Variants in DCAF8L2 observed in about 807,000 individuals in gnomAD.
DCAF8L2 encodes the protein DDB1- and CUL4-associated factor 8-like protein 2.
For synonymous variants in DCAF8L2, 200 were observed against 190.9 expected (o/e 1.05, Z -0.39); for missense variants, 430 against 490.7 (o/e 0.88, Z 1.17).
chrX:27,589,176 C>T (rs759210457), upstream of DCAF8L2, among the ~76,000 whole-genome samples: 29 of 111,393 alleles, frequency 2.6e-4, no homozygotes, highest in African/African-American at 9.4e-4. Flanking sequence ...CTTAACTATG[C>T]CTTGAATATA....
chrX:27,710,992 G>A (rs772685319), intron 3 of DCAF8L2, among the ~76,000 whole-genome samples: 4 of 111,062 alleles, frequency 3.6e-5, no homozygotes, highest in Non-Finnish European at 7.6e-5. Flanking sequence ...TCTGCATCTC[G>A]TAAAATGACA....
chrX:27,614,002 G>GT (rs1407542089), intron 1 of DCAF8L2, among the ~76,000 whole-genome samples: 1 of 111,302 alleles, frequency 9.0e-6, no homozygotes, highest in Non-Finnish European at 1.9e-5. Context: ...TTTTTCTATT[G>GT]TTTGGAAAAG....
chrX:27,567,816 A>T, the DCAF8L2 span, among the ~76,000 whole-genome samples: 3 of 108,914 alleles, frequency 2.8e-5, no homozygotes, highest in Admixed American at 3.0e-4. Flanking sequence ...TAAGACAGAC[A>T]GGGAGACAGA....
At chrX:27,742,983 TCCCTTCTA>T (rs779930535) in intron 4 of DCAF8L2, among the ~76,000 whole-genome samples, 1 of 112,495 alleles carries the variant, frequency 8.9e-6, no homozygotes, top group South Asian at 3.7e-4. Context: ...TAAGATGCAC[TCCCTTCTA>T]CCTTTTGGCT....
At chrX:27,600,284 T>C (rs1926582309) in intron 1 of DCAF8L2, among the ~76,000 whole-genome samples, 1 of 112,036 alleles carries the variant, frequency 8.9e-6, no homozygotes, top group African/African-American at 3.2e-5. Context: ...CTGAAGAATG[T>C]GTTGGATTAA....
the DCAF8L2 span, among the ~76,000 whole-genome samples, chrX:27,528,127 AT>A: frequency 2.9e-5 from 3 of 103,345 alleles, no homozygotes; most frequent in South Asian, 4.1e-4. Flanking sequence ...TTATTAAATT[AT>A]AATTAAATTA....
chrX:27,562,852 C>G, the DCAF8L2 span, among the ~76,000 whole-genome samples: 2 of 112,237 alleles, frequency 1.8e-5, no homozygotes, highest in African/African-American at 6.5e-5. Context: ...TCTTACTTCT[C>G]TCTCGAAAGC....
At chrX:27,517,894 C>T in the DCAF8L2 span, 1 of 1,130,753 alleles carries the variant, frequency 8.8e-7, no homozygotes, top group Non-Finnish European at 1.2e-6. Context: ...CCCAATACAA[C>T]TGGCAGACAA....
At chrX:27,690,954 T>G (rs1223025521) in intron 3 of DCAF8L2, among the ~76,000 whole-genome samples, 3 of 111,729 alleles carry the variant, frequency 2.7e-5, no homozygotes, top group Non-Finnish European at 5.7e-5. Context: ...CTATTAATAT[T>G]CCCATGTGTC....
At chrX:27,507,660 A>G in the DCAF8L2 span, among the ~76,000 whole-genome samples, 1 of 111,727 alleles carries the variant, frequency 9.0e-6, no homozygotes, top group Non-Finnish European at 1.9e-5. Context: ...CACTTCTTTC[A>G]TCTGTGAAAT....
chrX:27,664,466 T>A (rs892330012), intron 2 of DCAF8L2, among the ~76,000 whole-genome samples: 2 of 112,169 alleles, frequency 1.8e-5, no homozygotes, highest in South Asian at 7.4e-4. Flanking sequence ...AAAGAAGCCA[T>A]CTCCATAACA....
the DCAF8L2 span, among the ~76,000 whole-genome samples, chrX:27,485,719 C>T: frequency 9.1e-6 from 1 of 110,419 alleles, no homozygotes; most frequent in African/African-American, 3.3e-5. Flanking sequence ...CACAAAAAAT[C>T]CTATATTAAT....
the DCAF8L2 span, among the ~76,000 whole-genome samples, chrX:27,548,956 A>C: frequency 9.0e-6 from 1 of 111,434 alleles, no homozygotes; most frequent in African/African-American, 3.3e-5. Context: ...TTGAAATTTT[A>C]TTTCTTTTAC....
chrX:27,732,978 C>T (rs1921305003), intron 4 of DCAF8L2, among the ~76,000 whole-genome samples: 1 of 111,076 alleles, frequency 9.0e-6, no homozygotes, highest in Non-Finnish European at 1.9e-5. Context: ...CTGCCTCAGC[C>T]TCCTGAGTAG....
At chrX:27,578,656 A>G in the DCAF8L2 span, among the ~76,000 whole-genome samples, 1 of 111,568 alleles carries the variant, frequency 9.0e-6, no homozygotes, top group Non-Finnish European at 1.9e-5. Flanking sequence ...CAATCTATCC[A>G]TCTGACAAAT....
intron 4 of DCAF8L2, among the ~76,000 whole-genome samples, chrX:27,716,642 A>G (rs140818772): frequency 3.1e-4 from 35 of 112,488 alleles, no homozygotes; most frequent in African/African-American, 1.0e-3. Context: ...TCAATTTTAA[A>G]AACAGGGGAA....
the DCAF8L2 span, among the ~76,000 whole-genome samples, chrX:27,508,158 G>T: frequency 9.0e-6 from 1 of 111,658 alleles, no homozygotes; most frequent in African/African-American, 3.3e-5. Flanking sequence ...ACCTAAAACT[G>T]CCCTTGAGTT....
chrX:27,686,418 C>A (rs773282352), intron 3 of DCAF8L2, among the ~76,000 whole-genome samples: 1 of 110,353 alleles, frequency 9.1e-6, no homozygotes, highest in East Asian at 2.9e-4. Context: ...AAATAAAATC[C>A]TTTCATTTGC....
the DCAF8L2 span, among the ~76,000 whole-genome samples, chrX:27,505,722 A>G: frequency 9.0e-6 from 1 of 111,522 alleles, no homozygotes; most frequent in African/African-American, 3.3e-5. Flanking sequence ...ATTAGGTTAC[A>G]AAAGACTGTT....
Sources: allele counts gnomAD v4.1 joint callset (sites outside exome capture counted in the v4.1 genomes callset), GRCh38; gene constraint gnomAD v4.1.1; transcripts MANE v1.5; gene names NCBI Gene and HGNC (gene_info 2026-07-23, HGNC 2026-07-21).